The following ADAMTS19 variants were observed in gnomAD, a reference collection of about 807,000 sequenced individuals.
ADAMTS19 encodes A disintegrin and metalloproteinase with thrombospondin motifs 19.
In ADAMTS19, 93 loss-of-function variants were observed where a neutral mutation model predicts 153.3. That is an observed-to-expected ratio of 0.61 (90% CI 0.51 to 0.72). ADAMTS19 has a LOEUF of 0.72. ADAMTS19 is among the 30% of genes least tolerant of loss of function. ADAMTS19 has a pLI of 0.00. For missense variants in ADAMTS19, 1,482 were observed against 1,552.1 expected, an observed-to-expected ratio of 0.95 and a Z score of 0.76; for synonymous variants, 600 against 556.6, an observed-to-expected ratio of 1.08 and a Z score of -1.10.
chr5:129,680,105 A>G (rs946270186), intron 17 of ADAMTS19, among the ~76,000 whole-genome samples, 184 bp downstream of exon 17: 3 of 152,344 alleles, frequency 2.0e-5, no homozygotes, highest in Middle Eastern at 6.8e-3. Flanking sequence ...AAAAACAGCA[A>G]TTATTACAGG....
In ADAMTS19 at chr5:129,658,839, A is replaced by G. The variant is rs1753706610; in HGVS notation, c.2425+102A>G. 12 of 1,253,444 alleles carry G rather than the reference A, an allele frequency of 9.6e-6. 1 individual carries two copies. Among genetic ancestry groups the G allele is most frequent in the Admixed American group, 7.7e-5 (3 of 39,008 alleles). 77.6% of individuals were successfully genotyped at this position (1,253,444 alleles called of 1,614,324 possible). Reference sequence around the variant, plus strand: ...AGAGATTATAGTTCTAATTCTATTGAAGACTTGCAATGGGTATTAAATTAT... The same window carrying G: ...AGAGATTATAGTTCTAATTCTATTGGAGACTTGCAATGGGTATTAAATTAT... On this transcript the variant is annotated intron_variant, in intron 15 of 22. Transcript: ENST00000274487.
chr5:129,553,452 C>T (rs139594375), intron 7 of ADAMTS19, among the ~76,000 whole-genome samples: 1 of 152,226 alleles, frequency 6.6e-6, no homozygotes, highest in East Asian at 1.9e-4. Context: ...AATTGAGTAC[C>T]TCAGTGTGTT....
At chr5:129,526,060 G>A (rs891367089) in intron 3 of ADAMTS19, among the ~76,000 whole-genome samples, 4 of 151,950 alleles carry the variant, frequency 2.6e-5, no homozygotes, top group Non-Finnish European at 5.9e-5. Context: ...TGCAGATAAG[G>A]AAACTCAGGC....
chr5:129,497,082 A>G (rs1320408890), intron 2 of ADAMTS19, among the ~76,000 whole-genome samples: 17 of 152,064 alleles, frequency 1.1e-4, no homozygotes, highest in Admixed American at 1.1e-3. Context: ...GCATAGCACT[A>G]CTAAAATTTT....
In ADAMTS19 at chr5:129,624,759, A is replaced by C. The variant is rs1198789484; in HGVS notation, c.1770+2411A>C. Among the ~76,000 whole-genome samples, 3 of 152,204 alleles carry C rather than the reference A, an allele frequency of 2.0e-5. No individual in the cohort carries two copies. The East Asian group carries it at 5.8e-4, about 29-fold the overall frequency. ...CATGCAATTAAATTTTGCTAGTGCC[A>C]TTCTACAATGTTTTGACCTCTGAAT... On this transcript the variant is annotated intron_variant, in intron 10 of 22. Coordinates refer to ENST00000274487, the MANE Select transcript of ADAMTS19 (RefSeq NM_133638.6).
intron 22 of ADAMTS19, 78 bp from the exon 23 acceptor site, chr5:129,736,989 A>G: frequency 1.5e-6 from 2 of 1,363,612 alleles, no homozygotes; most frequent in East Asian, 2.6e-5. Context: ...AATCCGCCCC[A>G]CTTAAACGCT....
chr5:129,561,627 A>G (rs1328736549), intron 7 of ADAMTS19, among the ~76,000 whole-genome samples: 1 of 152,134 alleles, frequency 6.6e-6, no homozygotes, highest in Non-Finnish European at 1.5e-5. Flanking sequence ...AGTTTGTGGA[A>G]TGGGACAATG....
chr5:129,508,645 C>G (rs1419581271), intron 2 of ADAMTS19, among the ~76,000 whole-genome samples: 3 of 151,956 alleles, frequency 2.0e-5, no homozygotes, highest in African/African-American at 7.2e-5. Context: ...TTGTCTCTTG[C>G]ATTTGTCTTA....
intron 7 of ADAMTS19, among the ~76,000 whole-genome samples, chr5:129,579,888 C>G (rs1368252067): frequency 6.6e-6 from 1 of 152,088 alleles, no homozygotes; most frequent in Non-Finnish European, 1.5e-5. Flanking sequence ...CAGCTTTGTT[C>G]TTTTTGCTTA....
intron 6 of ADAMTS19, among the ~76,000 whole-genome samples, chr5:129,542,610 T>G (rs796842572): frequency 6.6e-6 from 1 of 152,166 alleles, no homozygotes; most frequent in African/African-American, 2.4e-5. Flanking sequence ...CTGCTTACCA[T>G]GGGAAAAGTT....
chr5:129,521,641 T>C (rs1176172377), intron 3 of ADAMTS19, among the ~76,000 whole-genome samples: 1 of 152,160 alleles, frequency 6.6e-6, no homozygotes, highest in Non-Finnish European at 1.5e-5. Flanking sequence ...TCTCTATACT[T>C]CGTCTAGCTT....
At chr5:129,668,416 G>A (rs1754148581) in intron 16 of ADAMTS19, among the ~76,000 whole-genome samples, 1 of 152,312 alleles carries the variant, frequency 6.6e-6, no homozygotes, top group South Asian at 2.1e-4. Flanking sequence ...TGGAGGCCAG[G>A]AAGTCCAAGA....
chr5:129,538,154 T>C (rs896281169), intron 6 of ADAMTS19, among the ~76,000 whole-genome samples: 1 of 152,060 alleles, frequency 6.6e-6, no homozygotes, highest in African/African-American at 2.4e-5. Context: ...GATTACTGAT[T>C]TATAATTTTC....
intron 14 of ADAMTS19, among the ~76,000 whole-genome samples, chr5:129,655,614 TC>T (rs778336648): frequency 7.2e-5 from 11 of 152,140 alleles, no homozygotes; most frequent in Non-Finnish European, 1.3e-4. Flanking sequence ...TTTTTTTTCC[TC>T]GTAAAAATGC....
chr5:129,467,182 G>C (rs1401076673), intron 2 of ADAMTS19, among the ~76,000 whole-genome samples: 1 of 152,204 alleles, frequency 6.6e-6, no homozygotes, highest in Non-Finnish European at 1.5e-5. Context: ...GTTGTATGCT[G>C]TAAGACAAAG....
chr5:129,578,833 G>T (rs775960860), intron 7 of ADAMTS19, among the ~76,000 whole-genome samples: 1 of 152,128 alleles, frequency 6.6e-6, no homozygotes, highest in East Asian at 1.9e-4. Flanking sequence ...TCTTTATCCA[G>T]TCTATTATTG....
intron 2 of ADAMTS19, among the ~76,000 whole-genome samples, chr5:129,486,483 A>G (rs1254083908): frequency 1.3e-5 from 2 of 152,194 alleles, no homozygotes; most frequent in African/African-American, 4.8e-5. Context: ...TAAAAAAGAA[A>G]AATTATAACA....
intron 21 of ADAMTS19, among the ~76,000 whole-genome samples, chr5:129,710,460 A>G (rs1470951682): frequency 6.6e-6 from 1 of 152,202 alleles, no homozygotes; most frequent in Non-Finnish European, 1.5e-5. Flanking sequence ...TCACGAAAGA[A>G]GACATTTATG....
At chr5:129,472,101 T>A (rs1435328716) in intron 2 of ADAMTS19, among the ~76,000 whole-genome samples, 1 of 152,254 alleles carries the variant, frequency 6.6e-6, no homozygotes, top group Non-Finnish European at 1.5e-5. Context: ...ATGGGGTATT[T>A]CTGTTTTCAG....
Sources: gnomAD v4.1 joint callset for allele counts (sites outside exome capture counted in the v4.1 genomes callset) on GRCh38, gnomAD v4.1.1 for gene constraint, MANE v1.5 for transcripts, NCBI Gene and HGNC (gene_info 2026-07-23, HGNC 2026-07-21) for gene names.